OSBPL3: variants seen among roughly 807,000 people sequenced by gnomAD.
OSBPL3 encodes oxysterol binding protein like 3.
Under a neutral mutation model 120.1 loss-of-function variants are expected in OSBPL3, and 65 were observed. That is an observed-to-expected ratio of 0.54 (90% CI 0.44 to 0.67). OSBPL3 has a LOEUF of 0.67. OSBPL3 is among the 30% of genes least tolerant of loss of function. The pLI, the probability that OSBPL3 is intolerant of heterozygous loss-of-function variation, is 0.00. For synonymous variants in OSBPL3, 416 were observed against 402.6 expected (o/e 1.03, Z -0.40); for missense variants, 1,004 against 1,082.1 (o/e 0.93, Z 1.01).
chr7:24,812,767 G>T (rs375277581), intron 19 of OSBPL3, among the ~76,000 whole-genome samples: 7 of 152,130 alleles, frequency 4.6e-5, no homozygotes, highest in African/African-American at 1.4e-4. Context: ...AAAAATGGTG[G>T]GGCACGGAAG....
chr7:24,802,435 C>T lies in OSBPL3; in HGVS notation c.2567+1880G>A, dbSNP rs567694361. Among the ~76,000 whole-genome samples, 1 of 152,350 alleles carries T rather than the reference C, an allele frequency of 6.6e-6. No homozygotes were observed. Among genetic ancestry groups the T allele is most frequent in the African/African-American group, 2.4e-5 (1 of 41,570 alleles). On this transcript the variant is annotated intron_variant, in intron 22 of 22. Coordinates refer to ENST00000313367, the MANE Select transcript of OSBPL3 (RefSeq NM_015550.4). The surrounding 1 kb of genome is among the most constrained non-coding windows in gnomAD (Gnocchi z 4.1). ...CCCATCTAATACTATGATCATTTTA[C>T]AGACAGTCAAAAAGAAAAAGAGCAA...
chr7:24,863,184 G>GGAA lies in OSBPL3; in HGVS notation c.870+15_870+16insTTC, dbSNP rs758875680. ...GCCAATGAAGAAACCAGTCTGTCAG[G>GGAA]GGAAGCAATGGTTACCTGCAGTGTT... On this transcript the variant is annotated intron_variant, in intron 9 of 22. Transcript: ENST00000313367. The surrounding 1 kb of genome is among the most constrained non-coding windows in gnomAD (Gnocchi z 5.8). The GGAA allele has an allele frequency of 1.2e-5, 19 of 1,589,486 alleles. No homozygotes were observed. The South Asian group carries it at 1.7e-4, about 14-fold the overall frequency.
chr7:24,816,243 G>A (rs940291906), intron 18 of OSBPL3, among the ~76,000 whole-genome samples: 1 of 152,080 alleles, frequency 6.6e-6, no homozygotes, highest in East Asian at 1.9e-4. Flanking sequence ...GCCCATACTG[G>A]TCTCAAACTC....
intron 15 of OSBPL3, among the ~76,000 whole-genome samples, chr7:24,832,206 C>CAAAAA (rs35738897): frequency 3.1e-5 from 3 of 95,662 alleles, no homozygotes; most frequent in African/African-American, 4.1e-5. Context: ...GACCCTGTCT[C>CAAAAA]AAAAAAAAAA....
Position 24,964,106 on chromosome 7 carries a change from TA to T in OSBPL3, c.-150+15779del, listed in dbSNP as rs1210989572. Among the ~76,000 whole-genome samples, 5 of 151,926 alleles carry T rather than the reference TA, an allele frequency of 3.3e-5. No individual in the cohort carries two copies. The highest frequency in any genetic ancestry group is 6.6e-5 in the Admixed American group (1 of 15,262). Reference sequence around the variant, plus strand: ...TAAATATCAATGGATCCACACTGATTAAAAAAAACTGATTGAATAAACAAAT... The same window carrying T: ...TAAATATCAATGGATCCACACTGATTAAAAAAACTGATTGAATAAACAAAT... On this transcript the variant is annotated intron_variant, in intron 1 of 22. Transcript: ENST00000313367. This position sits in a 1 kb window ranked among gnomAD's most constrained non-coding sequence, Gnocchi z 4.2.
Position 24,953,809 on chromosome 7 carries a change from T to C in OSBPL3, c.-150+26077A>G, listed in dbSNP as rs1814728912. ...TCAATGCCTGACTCTCCATTAAATG[T>C]TCAACGGCATGAACTAGAAGCAGGC... On this transcript the variant is annotated intron_variant, in intron 1 of 22. Coordinates refer to ENST00000313367, the MANE Select transcript of OSBPL3 (RefSeq NM_015550.4). The surrounding 1 kb of genome is among the most constrained non-coding windows in gnomAD (Gnocchi z 4.3). Among the ~76,000 whole-genome samples, 1 of 152,232 alleles carries C rather than the reference T, an allele frequency of 6.6e-6. No individual in the cohort carries two copies. The highest frequency in any genetic ancestry group is 2.1e-4 in the South Asian group (1 of 4,826).
chr7:24,877,229 A>G lies in OSBPL3; in HGVS notation c.97-5160T>C, dbSNP rs573976182. Among the ~76,000 whole-genome samples, 4 of 152,354 alleles carry G rather than the reference A, an allele frequency of 2.6e-5. No homozygotes were observed. In the South Asian group the frequency reaches 8.3e-4, roughly 32 times the overall value. ...TGGGTAGAGGAATAGTGGTGGGCCA[A>G]GACCTTGAGACAATTGGAAGGAGTT... is the stretch of plus-strand genomic sequence containing the variant. On this transcript the variant is annotated intron_variant, in intron 2 of 22. Transcript: ENST00000313367. The surrounding 1 kb of genome is among the most constrained non-coding windows in gnomAD (Gnocchi z 4.8).
chr7:24,882,633 T>G (rs138957834), intron 2 of OSBPL3, among the ~76,000 whole-genome samples: 2 of 152,380 alleles, frequency 1.3e-5, no homozygotes, highest in Non-Finnish European at 2.9e-5. Flanking sequence ...ATGGTAGTTC[T>G]TTAGTTCTTT....
intron 1 of OSBPL3, among the ~76,000 whole-genome samples, chr7:24,949,429 T>C (rs1186252284): frequency 2.0e-5 from 3 of 152,220 alleles, no homozygotes; most frequent in African/African-American, 7.2e-5. Flanking sequence ...GTACATAAAT[T>C]AATGGGGGAT....
At chr7:24,929,086 C>G (rs1584651851) in intron 1 of OSBPL3, among the ~76,000 whole-genome samples, 1 of 152,202 alleles carries the variant, frequency 6.6e-6, no homozygotes, top group Admixed American at 6.5e-5. Flanking sequence ...AGCTGCACCT[C>G]TTTATACTCC....
chr7:24,895,149 G>T (rs1805950508), intron 1 of OSBPL3, among the ~76,000 whole-genome samples: 1 of 152,174 alleles, frequency 6.6e-6, no homozygotes, highest in Admixed American at 6.5e-5. Context: ...ACCAAAAGCA[G>T]CCTAAAAAGT....
intron 9 of OSBPL3, 74 bp from the exon 10 acceptor site, chr7:24,861,843 G>T: frequency 5.3e-6 from 5 of 949,524 alleles, no homozygotes; most frequent in Admixed American, 2.6e-5. Flanking sequence ...TTCTAAGATT[G>T]AAACATGGTA....
chr7:24,825,258 A>G (rs1795570254), intron 16 of OSBPL3, among the ~76,000 whole-genome samples: 2 of 152,314 alleles, frequency 1.3e-5, no homozygotes, highest in South Asian at 4.1e-4. Context: ...CCAGCATCAC[A>G]TGGGAGAGAA....
Position 24,820,263 on chromosome 7 carries a change from A to C in OSBPL3, c.1885-25T>G, listed in dbSNP as rs760852074. 1 of 1,569,410 alleles carries C rather than the reference A, an allele frequency of 6.4e-7. No homozygotes were observed. The highest frequency in any genetic ancestry group is 8.8e-7 in the Non-Finnish European group (1 of 1,142,444). ...CCTGATGGAAACAAAGGACAGAAAAACAAAAAATGAATGAACTTTTGTGTC... is the reference window on the plus strand; with the variant it reads ...CCTGATGGAAACAAAGGACAGAAAACCAAAAAATGAATGAACTTTTGTGTC... On this transcript the variant is annotated intron_variant, in intron 16 of 22. Transcript: ENST00000313367. This position sits in a 1 kb window ranked among gnomAD's most constrained non-coding sequence, Gnocchi z 4.6.
At position 24,863,203 on chromosome 7, in the gene OSBPL3, C is replaced by G. The variant is rs775423459; in HGVS notation, c.867G>C (p.Leu289=). ...RAIGKDAKGT[L]QVPKPFSGPV... is the part of the protein sequence containing the mutation. ...TGTCAGGGGAAGCAATGGTTACCTG[C>G]AGTGTTCCTTTAGCATCTTTGCCAA... is the stretch of plus-strand genomic sequence containing the variant. The change falls in exon 9 of 23, where the codon CTG becomes CTC. Residue 289 remains leucine, a synonymous_variant. Coordinates refer to ENST00000313367, the MANE Select transcript of OSBPL3 (RefSeq NM_015550.4). The surrounding 1 kb of genome is among the most constrained non-coding windows in gnomAD (Gnocchi z 5.8). The G allele has an allele frequency of 1.9e-6, 3 of 1,611,542 alleles. No homozygotes were observed. The South Asian group carries it at 3.3e-5, about 18-fold the overall frequency.
intron 1 of OSBPL3, among the ~76,000 whole-genome samples, chr7:24,954,229 T>G (rs1050557215): frequency 6.6e-6 from 1 of 152,226 alleles, no homozygotes; most frequent in East Asian, 1.9e-4. Context: ...TGGATTAATT[T>G]TTTTTCTTTT....
intron 1 of OSBPL3, among the ~76,000 whole-genome samples, chr7:24,962,313 AAGAAAGAC>A (rs895011388): frequency 1.3e-4 from 20 of 151,000 alleles, no homozygotes; most frequent in African/African-American, 4.9e-4. Flanking sequence ...GAAATAAAGA[AAGAAAGAC>A]AGAAAGACAA....
intron 1 of OSBPL3, among the ~76,000 whole-genome samples, chr7:24,927,317 G>A (rs2128460049): frequency 6.6e-6 from 1 of 152,302 alleles, no homozygotes; most frequent in South Asian, 2.1e-4. Flanking sequence ...CTTAAAATAT[G>A]ACTCAGAACA....
intron 17 of OSBPL3, 98 bp from the exon 18 acceptor site, chr7:24,816,786 C>T (rs1247147935): frequency 1.3e-6 from 1 of 792,082 alleles, no homozygotes; most frequent in Admixed American, 1.9e-5. Flanking sequence ...TATAGTACAA[C>T]CTCTTCACAA....
Sources: allele counts gnomAD v4.1 joint callset (sites outside exome capture counted in the v4.1 genomes callset), GRCh38; gene constraint gnomAD v4.1.1; non-coding constraint Gnocchi (gnomAD v3.1); transcripts MANE v1.5; gene names NCBI Gene and HGNC (gene_info 2026-07-23, HGNC 2026-07-21).